The following PIBF1 variants were observed in gnomAD, a reference collection of about 807,000 sequenced individuals.
PIBF1 encodes progesterone immunomodulatory binding factor 1, also known as progesterone-induced-blocking factor 1.
Under a neutral mutation model 112.5 loss-of-function variants are expected in PIBF1, and 90 were observed. The ratio of observed to expected loss-of-function variants is 0.80; its 90% CI spans 0.67 to 0.95. The LOEUF is 0.95. PIBF1 is among the 40% of genes least tolerant of loss of function. The probability of loss-of-function intolerance (pLI) is 0.00; values close to 1 mark genes in which losing one functional copy is unlikely to be tolerated. For synonymous variants in PIBF1, 301 were observed against 288.6 expected, an observed-to-expected ratio of 1.04 and a Z score of -0.44; for missense variants, 915 against 852.3, an observed-to-expected ratio of 1.07 and a Z score of -0.92.
chr13:72,920,126 T>C (rs1465447400), intron 13 of PIBF1, among the ~76,000 whole-genome samples: 1 of 152,242 alleles, frequency 6.6e-6, no homozygotes, highest in African/African-American at 2.4e-5. Flanking sequence ...TGGTTTTTAA[T>C]ATTTAAAGTG....
chr13:72,922,151 A>AT (rs374968042), intron 13 of PIBF1, among the ~76,000 whole-genome samples: 1,820 of 151,534 alleles, frequency 0.012, 40 homozygotes, highest in South Asian at 0.013. Context: ...TTTATTTTTT[A>AT]TTTTTTTGTA....
intron 10 of PIBF1, among the ~76,000 whole-genome samples, chr13:72,889,346 A>G (rs2039972906): frequency 6.6e-6 from 1 of 152,150 alleles, no homozygotes. Context: ...TTTCAAGTGT[A>G]GAAAGTTTGT....
chr13:72,868,828 T>TAAAAAAAAAAAAAAAAAAAAAAAAA (rs56290400), intron 10 of PIBF1, among the ~76,000 whole-genome samples: 1 of 114,270 alleles, frequency 8.8e-6, no homozygotes, highest in Non-Finnish European at 1.8e-5. Flanking sequence ...TCCCAAAAAG[T>TAAAAAAAAAAAAAAAAAAAAAAAAA]AAAAAAAAAA....
At chr13:72,828,026 GAT>G (rs879515055) in intron 8 of PIBF1, 112 bp downstream of exon 8, 3 of 460,174 alleles carry the variant, frequency 6.5e-6, no homozygotes, top group Non-Finnish European at 1.1e-5. Context: ...TATTCTATAT[GAT>G]AATACTAAGA....
At chr13:72,872,920 A>G (rs967031406) in intron 10 of PIBF1, among the ~76,000 whole-genome samples, 4 of 152,226 alleles carry the variant, frequency 2.6e-5, no homozygotes, top group Non-Finnish European at 5.9e-5. Flanking sequence ...ACTGAAAACT[A>G]GTAAATATTG....
intron 10 of PIBF1, among the ~76,000 whole-genome samples, chr13:72,891,504 A>ATT (rs11414135): frequency 9.2e-4 from 139 of 151,468 alleles, no homozygotes; most frequent in Non-Finnish European, 1.4e-3. Flanking sequence ...AGTAAAAGGT[A>ATT]TTTTTTTTAC....
intron 10 of PIBF1, among the ~76,000 whole-genome samples, chr13:72,859,027 G>A (rs1274714598): frequency 1.3e-5 from 2 of 151,988 alleles, no homozygotes; most frequent in African/African-American, 4.8e-5. Context: ...AACTATAATG[G>A]ATGTAAGTAC....
chr13:73,003,566 A>G (rs67088521), intron 17 of PIBF1, among the ~76,000 whole-genome samples: 33,948 of 151,912 alleles, frequency 0.22, 4,175 homozygotes, highest in Non-Finnish European at 0.28. Context: ...TGGAAGGAAA[A>G]TTAGTGTAGT....
intron 14 of PIBF1, among the ~76,000 whole-genome samples, chr13:72,953,162 C>CCTG (rs2042348940): frequency 6.6e-6 from 1 of 152,160 alleles, no homozygotes; most frequent in African/African-American, 2.4e-5. Context: ...ACACTCCTGA[C>CCTG]CTGCTGTTCC....
intron 14 of PIBF1, among the ~76,000 whole-genome samples, chr13:72,948,797 G>T (rs1416060895): frequency 6.6e-6 from 1 of 152,188 alleles, no homozygotes; most frequent in Non-Finnish European, 1.5e-5. Flanking sequence ...GCAAGGAGAA[G>T]TGCAGAACAA....
At chr13:72,817,733 A>G (rs2036345666) in intron 5 of PIBF1, among the ~76,000 whole-genome samples, 2 of 152,194 alleles carry the variant, frequency 1.3e-5, no homozygotes, top group South Asian at 4.1e-4. Flanking sequence ...AGCTCAAGAC[A>G]TGGAAGGATG....
At chr13:72,886,671 T>C (rs559104316) in intron 10 of PIBF1, among the ~76,000 whole-genome samples, 2 of 152,186 alleles carry the variant, frequency 1.3e-5, no homozygotes, top group East Asian at 1.9e-4. Context: ...GATAGATGCA[T>C]TGAATTACTC....
chr13:73,012,558 TAC>T (rs1433338244), intron 17 of PIBF1, among the ~76,000 whole-genome samples: 2 of 147,814 alleles, frequency 1.4e-5, no homozygotes. Context: ...AGACCCTGTC[TAC>T]ACACACACAC....
At chr13:72,875,174 A>T (rs1243152688) in intron 10 of PIBF1, among the ~76,000 whole-genome samples, 2 of 152,080 alleles carry the variant, frequency 1.3e-5, no homozygotes, top group African/African-American at 4.8e-5. Context: ...GTCTTTTCAT[A>T]CTGTCTTTTT....
chr13:72,944,281 T>C (rs901451116), intron 14 of PIBF1, among the ~76,000 whole-genome samples: 3 of 151,910 alleles, frequency 2.0e-5, no homozygotes, highest in African/African-American at 7.3e-5. Context: ...ACCCTGTCTC[T>C]ACTGAAAATA....
In PIBF1 at chr13:72,839,485, C is replaced by G. The variant is rs558985582; in HGVS notation, c.1223+4117C>G. On this transcript the variant is annotated intron_variant, in intron 9 of 17. Coordinates refer to ENST00000326291, the MANE Select transcript of PIBF1 (RefSeq NM_006346.4). ...GTTGACTGTAGAAGAATCTGAACCT[C>G]AAGAGAAAGATCTGGGAATTAGAGA... 8.9e-4 allele frequency among the ~76,000 whole-genome samples: 135 copies of G among 152,238 alleles called. 6 individuals carry two copies. The South Asian group carries it at 0.028, about 31-fold the overall frequency.
At chr13:72,941,340 A>G (rs921002500) in intron 14 of PIBF1, among the ~76,000 whole-genome samples, 2 of 152,250 alleles carry the variant, frequency 1.3e-5, no homozygotes, top group Non-Finnish European at 2.9e-5. Context: ...GTTAAACAGT[A>G]GAAAATCCAG....
Position 72,940,973 on chromosome 13 carries a change from C to A in PIBF1, c.1833+9706C>A, listed in dbSNP as rs111746515. On this transcript the variant is annotated intron_variant, in intron 14 of 17. Coordinates refer to ENST00000326291, the MANE Select transcript of PIBF1 (RefSeq NM_006346.4). ...TCAGAGTTCTGTCTCTTTGCAGCTC[C>A]CTTTTCTTCAGTAGTCTCCCATATG... Among the ~76,000 whole-genome samples, 962 of 152,226 alleles carry A rather than the reference C, an allele frequency of 6.3e-3. 18 individuals are homozygous for A. Among genetic ancestry groups the A allele is most frequent in the African/African-American group, 0.022 (901 of 41,550 alleles).
chr13:72,803,835 C>T (rs1329686461), intron 5 of PIBF1, among the ~76,000 whole-genome samples: 2 of 152,160 alleles, frequency 1.3e-5, no homozygotes, highest in African/African-American at 4.8e-5. Flanking sequence ...TGTCAGGTTA[C>T]TGAGGTTCAA....
Sources: allele counts gnomAD v4.1 joint callset (sites outside exome capture counted in the v4.1 genomes callset), GRCh38; gene constraint gnomAD v4.1.1; transcripts MANE v1.5; gene names NCBI Gene and HGNC (gene_info 2026-07-23, HGNC 2026-07-21).